ATP6V0E1: variants seen among roughly 807,000 people sequenced by gnomAD.
ATP6V0E1 encodes ATPase H+ transporting V0 subunit e1.
In ATP6V0E1, 4 loss-of-function variants were observed where a neutral mutation model predicts 11.6. That is an observed-to-expected ratio of 0.35 (90% CI 0.17 to 0.79). The LOEUF is 0.79. Ranked by LOEUF, ATP6V0E1 falls within the 30% of genes least tolerant of loss-of-function variation. The pLI, the probability that ATP6V0E1 is intolerant of heterozygous loss-of-function variation, is 0.54. For missense variants in ATP6V0E1, 105 were observed against 100.0 expected (o/e 1.05, Z -0.21); for synonymous variants, 36 against 34.8 (o/e 1.04, Z -0.13).
chr5:172,985,112 G>A (rs970795708), intron 1 of ATP6V0E1, among the ~76,000 whole-genome samples: 28 of 152,128 alleles, frequency 1.8e-4, no homozygotes, highest in Non-Finnish European at 3.2e-4. Context: ...GGGCGTGGTG[G>A]CGGGCGCCTG....
At chr5:173,006,043 T>C (rs897767633) in intron 2 of ATP6V0E1, among the ~76,000 whole-genome samples, 3 of 152,198 alleles carry the variant, frequency 2.0e-5, no homozygotes, top group Admixed American at 6.5e-5. Flanking sequence ...TTGTGTGCAG[T>C]TGAAAAGAAT....
rs116769621 is a variant in ATP6V0E1, at chr5:172,995,788, T to A, written c.152+966T>A. ...CGCCACCATGCTCAGCTAACTTTTT[T>A]ATTTTTGTAGAGATGGAGTCTTACT... On this transcript the variant is annotated intron_variant, in intron 2 of 3. Transcript: ENST00000519374. Among the ~76,000 whole-genome samples the A allele has an allele frequency of 5.0e-3, 768 of 152,166 alleles. 8 individuals are homozygous for A. Among genetic ancestry groups the A allele is most frequent in the African/African-American group, 0.017 (718 of 41,506 alleles).
intron 2 of ATP6V0E1, among the ~76,000 whole-genome samples, chr5:173,018,602 G>A (rs901801393): frequency 2.6e-5 from 4 of 152,112 alleles, no homozygotes; most frequent in African/African-American, 4.8e-5. Flanking sequence ...CCACCCTGTC[G>A]AAATAATGCC....
intron 2 of ATP6V0E1, among the ~76,000 whole-genome samples, chr5:173,007,552 G>A (rs58299968): frequency 0.04 from 6,088 of 152,284 alleles, 392 homozygotes; most frequent in African/African-American, 0.14. Context: ...TTAAGCAGGG[G>A]AAGATAAAGA....
At chr5:173,010,557 C>A (rs753314470) in intron 2 of ATP6V0E1, among the ~76,000 whole-genome samples, 1 of 152,166 alleles carries the variant, frequency 6.6e-6, no homozygotes, top group Non-Finnish European at 1.5e-5. Context: ...TGTCTAATAC[C>A]GAATCCCATG....
intron 2 of ATP6V0E1, among the ~76,000 whole-genome samples, chr5:173,009,193 T>C (rs1484504931): frequency 6.6e-6 from 1 of 151,684 alleles, no homozygotes. Flanking sequence ...ACCACTGCGC[T>C]CCAGCCTGGG....
intron 3 of ATP6V0E1, 159 bp downstream of exon 3, chr5:173,020,526 T>C: frequency 3.4e-6 from 2 of 585,348 alleles, no homozygotes; most frequent in East Asian, 5.8e-5. Context: ...ACTTAAGCCT[T>C]AGCTTACCTA....
intron 2 of ATP6V0E1, among the ~76,000 whole-genome samples, chr5:172,999,361 T>C (rs1263944226): frequency 6.6e-6 from 1 of 152,110 alleles, no homozygotes; most frequent in Admixed American, 6.6e-5. Flanking sequence ...TCTTGCTCTG[T>C]CACCCAGGCT....
intron 1 of ATP6V0E1, among the ~76,000 whole-genome samples, chr5:172,986,381 T>C (rs1755897763): frequency 6.6e-6 from 1 of 152,150 alleles, no homozygotes; most frequent in Admixed American, 6.6e-5. Flanking sequence ...ACACCCATAA[T>C]ATGCAGCACT....
chr5:173,008,438 C>G (rs1224493877), intron 2 of ATP6V0E1, among the ~76,000 whole-genome samples: 1 of 150,406 alleles, frequency 6.6e-6, no homozygotes, highest in Non-Finnish European at 1.5e-5. Context: ...GTAGCTGGGA[C>G]TACAGGTGCG....
intron 2 of ATP6V0E1, among the ~76,000 whole-genome samples, chr5:173,000,294 C>G (rs1185896111): frequency 2.0e-5 from 3 of 152,174 alleles, no homozygotes; most frequent in East Asian, 3.8e-4. Context: ...AATGTTATAT[C>G]TGGTTCCCTC....
intron 1 of ATP6V0E1, among the ~76,000 whole-genome samples, chr5:172,994,170 G>A (rs988530459): frequency 3.3e-5 from 5 of 152,182 alleles, no homozygotes; most frequent in African/African-American, 1.2e-4. Flanking sequence ...TTTGGTGACT[G>A]TGGAGGTGCA....
intron 2 of ATP6V0E1, among the ~76,000 whole-genome samples, chr5:173,004,261 A>C (rs530631820): frequency 6.6e-6 from 1 of 152,284 alleles, no homozygotes; most frequent in East Asian, 1.9e-4. Context: ...ATGCAGTTGC[A>C]CTTCTTTAGA....
chr5:173,025,109 A>G (rs560801589), intron 3 of ATP6V0E1, among the ~76,000 whole-genome samples: 90 of 141,874 alleles, frequency 6.3e-4, no homozygotes, highest in Admixed American at 1.4e-3. Context: ...CCAAAGTGCT[A>G]GGATTACAGG....
Position 173,020,351 on chromosome 5 carries a change from A to T in ATP6V0E1, c.*20A>T, listed in dbSNP as rs769975993. 6.4e-7 allele frequency: 1 copy of T among 1,571,330 alleles called. No homozygotes were observed. Reference sequence around the variant, plus strand: ...CCTTGAGGAAGAAGACATGCTCTACAGTGCTCAGTCTTTGAGGTGACTATG... The same window carrying T: ...CCTTGAGGAAGAAGACATGCTCTACTGTGCTCAGTCTTTGAGGTGACTATG... On this transcript the variant is annotated 3_prime_UTR_variant, in exon 3 of 4. Transcript: ENST00000519374.
At chr5:173,021,888 A>G (rs1039951629) in intron 3 of ATP6V0E1, among the ~76,000 whole-genome samples, 11 of 152,108 alleles carry the variant, frequency 7.2e-5, no homozygotes, top group Non-Finnish European at 1.2e-4. Flanking sequence ...ACAAAAAATT[A>G]GCTGGGCACA....
At chr5:172,997,820 A>T (rs1276139501) in intron 2 of ATP6V0E1, among the ~76,000 whole-genome samples, 1 of 151,810 alleles carries the variant, frequency 6.6e-6, no homozygotes, top group Non-Finnish European at 1.5e-5. Flanking sequence ...CTCAAAAAAA[A>T]AAAAAAAAGT....
At chr5:173,029,716 T>A (rs1480156911) in intron 3 of ATP6V0E1, among the ~76,000 whole-genome samples, 1 of 152,208 alleles carries the variant, frequency 6.6e-6, no homozygotes, top group African/African-American at 2.4e-5. Flanking sequence ...GGTCTCTGAT[T>A]GTAGAGAGTA....
At chr5:173,011,661 G>A (rs182115344) in intron 2 of ATP6V0E1, among the ~76,000 whole-genome samples, 4 of 152,200 alleles carry the variant, frequency 2.6e-5, no homozygotes, top group African/African-American at 4.8e-5. Flanking sequence ...GATCCATTCC[G>A]GCTCTGCAGT....
Sources: allele counts gnomAD v4.1 joint callset (sites outside exome capture counted in the v4.1 genomes callset), GRCh38; gene constraint gnomAD v4.1.1; transcripts MANE v1.5; gene names NCBI Gene and HGNC (gene_info 2026-07-23, HGNC 2026-07-21).